The following B4GALNT4 variants were observed in gnomAD, a reference collection of about 807,000 sequenced individuals.
The protein encoded by B4GALNT4 is N-acetyl-beta-glucosaminyl-glycoprotein 4-beta-N-acetylgalactosaminyltransferase 1.
In B4GALNT4, 77 loss-of-function variants were observed where a neutral mutation model predicts 110.0. The observed-to-expected ratio is 0.70, with a 90% confidence interval of 0.58 to 0.85. The LOEUF (loss-of-function observed/expected upper bound fraction) is 0.85, where lower values mean the gene tolerates loss of function less well. Among genes scored for constraint, B4GALNT4 ranks in the 40% least tolerant of loss-of-function variants. B4GALNT4 has a pLI of 0.00. For missense variants in B4GALNT4, 1,575 were observed against 1,506.0 expected (o/e 1.05, Z -0.76); for synonymous variants, 785 against 655.5 (o/e 1.20, Z -3.02).
At chr11:378,946 A>C (rs1846815017) in intron 14 of B4GALNT4, among the ~76,000 whole-genome samples, 1 of 152,064 alleles carries the variant, frequency 6.6e-6, no homozygotes, top group African/African-American at 2.4e-5. Context: ...AGGACAAAGG[A>C]GAGGAGACAG....
rs151250072 is a variant in B4GALNT4 at position 373,469 on chromosome 11, G to A, written c.657G>A (p.Ala219=). The A allele has an allele frequency of 1.4e-5, 22 of 1,602,594 alleles. No individual in the cohort carries two copies. Among genetic ancestry groups the A allele is most frequent in the African/African-American group, 5.4e-5 (4 of 73,748 alleles). The change falls in exon 7 of 20, where the codon GCG becomes GCA. Residue 219 remains alanine, a synonymous_variant. Coordinates refer to ENST00000329962, the MANE Select transcript of B4GALNT4 (RefSeq NM_178537.5). ...FVGKTGSEWT[A]PGEFTKFSSQ... is the part of the protein sequence containing the mutation. ...CCCAGACTGGCTCCGAGTGGACAGC[G>A]CCTGGAGAATTCACCAAGTTCAGCT...
intron 14 of B4GALNT4, among the ~76,000 whole-genome samples, chr11:378,436 TG>T (rs1846805049): frequency 6.6e-6 from 1 of 152,104 alleles, no homozygotes. Context: ...ATCATGGTTG[TG>T]GCCCCACCAA....
intron 11 of B4GALNT4, 35 bp from the exon 12 acceptor site, chr11:376,039 C>A (rs1846740506): frequency 1.2e-6 from 2 of 1,601,676 alleles, no homozygotes; most frequent in East Asian, 4.5e-5. Flanking sequence ...CCCGGGAGGT[C>A]CGCGCCCTGA....
At chr11:372,588 A>G in intron 2 of B4GALNT4, 74 bp from the exon 3 acceptor site, 1 of 1,260,798 alleles carries the variant, frequency 7.9e-7, no homozygotes, top group Non-Finnish European at 1.1e-6. Context: ...GGTCTTTGTG[A>G]AGGTTTGTCT....
intron 8 of B4GALNT4, 93 bp downstream of exon 8, chr11:373,921 A>ACAAAGCAG: frequency 1.5e-6 from 2 of 1,313,728 alleles, no homozygotes; most frequent in Middle Eastern, 3.7e-4. Context: ...CCCAAAGTTG[A>ACAAAGCAG]CAAAGCAGAT....
chr11:379,957 G>C lies in B4GALNT4; in HGVS notation c.2580G>C (p.Leu860=). ...GGGACTCGCGTTTCAGCGTCGTCCT[G>C]GTGGATTTCGAGAGCGAGGATATGG... ...RTGDSRFSVV[L]VDFESEDMDV... The change falls in exon 16 of 20, where the codon CTG becomes CTC. Residue 860 remains leucine (L), a synonymous_variant. Transcript: ENST00000329962. The C allele has an allele frequency of 6.2e-7, 1 of 1,612,684 alleles. No individual in the cohort carries two copies. The highest frequency in any genetic ancestry group is 1.1e-5 in the South Asian group (1 of 91,080).
At position 373,511 on chromosome 11, in the gene B4GALNT4, C is replaced by A. The variant is rs901500187; in HGVS notation, c.699C>A (p.Pro233=). Residue 233 remains proline, a synonymous_variant, in exon 7 of 20, where the codon CCC becomes CCA. Transcript: ENST00000329962. Reference sequence around the variant, plus strand: ...AGTTCAGCTCCCAGGTGTCCAAGCCCAGGCGGTGAGTGACTGTGGGGTGCA... The same window carrying A: ...AGTTCAGCTCCCAGGTGTCCAAGCCAAGGCGGTGAGTGACTGTGGGGTGCA... ...FTKFSSQVSK[P]RRLMASRRYY... The A allele has an allele frequency of 7.4e-6, 12 of 1,612,178 alleles. No homozygotes were observed. Among genetic ancestry groups the A allele is most frequent in the Non-Finnish European group, 1.0e-5 (12 of 1,179,790 alleles).
rs946274640 is a variant in B4GALNT4 at position 369,964 on chromosome 11, G to C, written c.151+10G>C. The C allele has an allele frequency of 1.7e-6, 1 of 587,268 alleles. No individual in the cohort carries two copies. Among genetic ancestry groups the C allele is most frequent in the Non-Finnish European group, 2.1e-6 (1 of 475,478 alleles). The allele number at this position is 587,268 out of a possible 1,614,324, so 36.4% of individuals were successfully genotyped here. On this transcript the variant is annotated intron_variant, in intron 1 of 19. Coordinates refer to ENST00000329962, the MANE Select transcript of B4GALNT4 (RefSeq NM_178537.5). ...CTGGGCTACGGGCGAGGTACGGCGCGGGGGGCGCGGGGGGCGCGGGGGGCG... is the reference window on the plus strand; with the variant it reads ...CTGGGCTACGGGCGAGGTACGGCGCCGGGGGCGCGGGGGGCGCGGGGGGCG...
At chr11:375,374 T>A in intron 8 of B4GALNT4, 87 bp from the exon 9 acceptor site, 4 of 1,370,910 alleles carry the variant, frequency 2.9e-6, no homozygotes, top group Non-Finnish European at 2.1e-6. Context: ...GTCCTATTAG[T>A]CCCCCGGCCC....
In B4GALNT4 at chr11:373,195, C is replaced by T. The variant is rs201078325; in HGVS notation, c.540C>T (p.Asp180=). 24 of 1,612,274 alleles carry T rather than the reference C, an allele frequency of 1.5e-5. No homozygotes were observed. Among genetic ancestry groups the T allele is most frequent in the African/African-American group, 5.3e-5 (4 of 74,988 alleles). The change falls in exon 6 of 20, where the codon GAC becomes GAT. Residue 180 remains aspartate, a synonymous_variant. Coordinates refer to ENST00000329962, the MANE Select transcript of B4GALNT4 (RefSeq NM_178537.5). ...GAGCCTAGTCTTGTGGACTAGGAGACGTCCAGTTTTCTGTGGCCTCAGACG... is the reference window on the plus strand; with the variant it reads ...GAGCCTAGTCTTGTGGACTAGGAGATGTCCAGTTTTCTGTGGCCTCAGACG... ...FGFIHPARDG[D]VQFSVASDDN...
Position 375,939 on chromosome 11 carries a change from T to C in B4GALNT4, c.1078T>C (p.Tyr360His). 1.2e-6 allele frequency: 2 copies of C among 1,611,912 alleles called. No individual in the cohort carries two copies. The highest frequency in any genetic ancestry group is 1.7e-6 in the Non-Finnish European group (2 of 1,179,506). The change falls in exon 11 of 20, where the codon TAC (tyrosine) becomes CAC (histidine). Residue 360 changes from tyrosine to histidine, a missense_variant. Transcript: ENST00000329962. The stretch of plus-strand genomic sequence containing the variant: ...GGTCAAGGACTTCCCGATCGCCAGA[T>C]ACCAGGGCCTGCAATTTGTGAGTGC... ...YVVKDFPIAR[Y>H]QGLQFVYLSF...
At chr11:376,224 CGG>C in intron 12 of B4GALNT4, 25 bp from the exon 13 acceptor site, 1 of 1,598,658 alleles carries the variant, frequency 6.3e-7, no homozygotes, top group East Asian at 2.2e-5. Context: ...GGGCGGGACT[CGG>C]CTCTGATGCC....
intron 3 of B4GALNT4, 44 bp downstream of exon 3, chr11:372,798 G>A (rs749951890): frequency 1.3e-5 from 20 of 1,525,092 alleles, no homozygotes; most frequent in Non-Finnish European, 8.8e-7. Flanking sequence ...CAGGGCGGGG[G>A]CTGGGGCGGG....
chr11:378,993 G>A (rs1360981162), intron 14 of B4GALNT4, among the ~76,000 whole-genome samples: 4 of 152,188 alleles, frequency 2.6e-5, no homozygotes, highest in Non-Finnish European at 5.9e-5. Flanking sequence ...ACCCCAGTAT[G>A]AGGGGAAGGT....
chr11:372,658 G>A lies in B4GALNT4; in HGVS notation c.256-4G>A. 4 of 1,611,078 alleles carry A rather than the reference G, an allele frequency of 2.5e-6. No individual in the cohort carries two copies. The highest frequency in any genetic ancestry group is 3.4e-6 in the Non-Finnish European group (4 of 1,179,424). ...CTGACCCTGTTGCCTTTTCTCTCCTGCAGCCCGAAGGTCGGGACCTAGACA... is the reference window on the plus strand; with the variant it reads ...CTGACCCTGTTGCCTTTTCTCTCCTACAGCCCGAAGGTCGGGACCTAGACA... On this transcript the variant is annotated splice_polypyrimidine_tract_variant and splice_region_variant and intron_variant, in intron 2 of 19. Coordinates refer to ENST00000329962, the MANE Select transcript of B4GALNT4 (RefSeq NM_178537.5).
chr11:378,040 C>T (rs902807176), intron 14 of B4GALNT4, among the ~76,000 whole-genome samples: 6 of 152,000 alleles, frequency 3.9e-5, no homozygotes, highest in Non-Finnish European at 5.9e-5. Context: ...GAGGCAGAAC[C>T]GGGACTGTTT....
Position 381,817 on chromosome 11 carries a change from G to T in B4GALNT4, c.*25G>T. ...AGGACGGGCAGCCCCTCCCAGCCCC[G>T]GTGGGAGTCCCGAGGCAGCTGCTGG... On this transcript the variant is annotated 3_prime_UTR_variant, in exon 20 of 20. Transcript: ENST00000329962. 2 of 1,553,940 alleles carry T rather than the reference G, an allele frequency of 1.3e-6. No individual in the cohort carries two copies. Among genetic ancestry groups the T allele is most frequent in the South Asian group, 1.2e-5 (1 of 84,712 alleles).
At position 376,058 on chromosome 11, in the gene B4GALNT4, C is replaced by T. The variant is rs1263501722; in HGVS notation, c.1096-16C>T. On this transcript the variant is annotated splice_polypyrimidine_tract_variant and intron_variant, in intron 11 of 19. Coordinates refer to ENST00000329962, the MANE Select transcript of B4GALNT4 (RefSeq NM_178537.5). ...GGAGGTCCGCGCCCTGAGCCCTGCG[C>T]CCCCCCACCCCCCAGGTGTACCTGT... The T allele has an allele frequency of 1.4e-6, 2 of 1,454,490 alleles. No individual in the cohort carries two copies. Among genetic ancestry groups the T allele is most frequent in the South Asian group, 1.1e-5 (1 of 87,614 alleles). The allele number at this position is 1,454,490 out of a possible 1,614,324, so 90.1% of individuals were successfully genotyped here.
intron 1 of B4GALNT4, 49 bp downstream of exon 1, chr11:370,003 G>GGGCGGGGGC (rs1235519123): frequency 3.6e-4 from 51 of 140,748 alleles, no homozygotes; most frequent in African/African-American, 1.5e-3. Flanking sequence ...GCGGCGCGGG[G>GGGCGGGGGC]GGCGCGGGGG....
Sources: gnomAD v4.1 joint callset for allele counts (sites outside exome capture counted in the v4.1 genomes callset) on GRCh38, gnomAD v4.1.1 for gene constraint, MANE v1.5 for transcripts, NCBI Gene and HGNC (gene_info 2026-07-23, HGNC 2026-07-21) for gene names.